Variants in CUX1 observed in about 807,000 individuals in gnomAD.
The protein encoded by CUX1 is protein CASP.
A neutral mutation model predicts 158.8 loss-of-function variants in CUX1; 31 were observed. That is an observed-to-expected ratio of 0.20 (90% CI 0.15 to 0.26). CUX1 has a LOEUF of 0.26. CUX1 is among the 10% of genes least tolerant of loss of function. CUX1 has a pLI of 1.00. For missense variants in CUX1, 1,589 were observed against 2,014.6 expected, an observed-to-expected ratio of 0.79 and a Z score of 4.04; for synonymous variants, 879 against 862.1, an observed-to-expected ratio of 1.02 and a Z score of -0.34.
At chr7:102,038,503 T>C (rs1399558120) in intron 3 of CUX1, among the ~76,000 whole-genome samples, 1 of 152,204 alleles carries the variant, frequency 6.6e-6, no homozygotes, top group African/African-American at 2.4e-5. Flanking sequence ...AAATAACTCA[T>C]CTGCAAGTTA....
intron 3 of CUX1, among the ~76,000 whole-genome samples, chr7:102,067,047 A>G (rs1254253571): frequency 1.3e-5 from 2 of 152,092 alleles, no homozygotes; most frequent in African/African-American, 4.8e-5. Context: ...TAGGATATTC[A>G]CAAAGTTGCA....
rs112021293 is a variant in CUX1, at chr7:101,862,762, G to GGT, written c.30+45109_30+45110dup. Reference sequence around the variant, plus strand: ...CCTTTCCTTCCCATCGTAAGTCCCCGGTGTGTGTGTGTGTGTGGAAAGTTT... The same window carrying GGT: ...CCTTTCCTTCCCATCGTAAGTCCCCGGTGTGTGTGTGTGTGTGTGGAAAGTTT... On this transcript the variant is annotated intron_variant, in intron 1 of 23. Transcript: ENST00000292535. Among the ~76,000 whole-genome samples the GGT allele has an allele frequency of 7.1e-3, 1,069 of 151,158 alleles. 15 individuals carry two copies. The highest frequency in any genetic ancestry group is 0.024 in the African/African-American group (978 of 41,222).
chr7:102,169,121 C>T (rs576802373), intron 9 of CUX1, among the ~76,000 whole-genome samples: 2 of 151,590 alleles, frequency 1.3e-5, no homozygotes, highest in African/African-American at 2.4e-5. Context: ...TTAGTAGAGA[C>T]GAGGTTTCTC....
chr7:102,154,845 CA>C (rs1349742039), intron 8 of CUX1, among the ~76,000 whole-genome samples: 1 of 152,134 alleles, frequency 6.6e-6, no homozygotes, highest in Non-Finnish European at 1.5e-5. Context: ...TATAGGGGCA[CA>C]CTGGAGCCAT....
At chr7:102,062,723 A>C (rs781397700) in intron 3 of CUX1, among the ~76,000 whole-genome samples, 18 of 151,870 alleles carry the variant, frequency 1.2e-4, no homozygotes, top group South Asian at 2.1e-4. Context: ...TTGATCTCGA[A>C]CTCCTGCACT....
At position 101,947,052 on chromosome 7, in the gene CUX1, T is replaced by C. The variant is rs1036328772; in HGVS notation, c.141+30827T>C. Reference sequence around the variant, plus strand: ...GAGTGGAAGTAGGTCCCAAGAACTTTTATTTTAAATGTTTTGATGACAGAT... The same window carrying C: ...GAGTGGAAGTAGGTCCCAAGAACTTCTATTTTAAATGTTTTGATGACAGAT... On this transcript the variant is annotated intron_variant, in intron 2 of 23. Coordinates refer to ENST00000292535, the MANE Select transcript of CUX1 (RefSeq NM_181552.4). Among the ~76,000 whole-genome samples the C allele has an allele frequency of 1.4e-4, 21 of 152,306 alleles. No individual in the cohort carries two copies. In the East Asian group the frequency reaches 2.5e-3, roughly 18 times the overall value.
chr7:101,857,964 A>C (rs1445059308), intron 1 of CUX1, among the ~76,000 whole-genome samples: 1 of 152,114 alleles, frequency 6.6e-6, no homozygotes, highest in African/African-American at 2.4e-5. Context: ...CTCTACTAAA[A>C]ATACAAAAAT....
intron 4 of CUX1, among the ~76,000 whole-genome samples, chr7:102,075,626 G>A (rs960022125): frequency 3.9e-5 from 6 of 151,956 alleles, no homozygotes; most frequent in African/African-American, 1.4e-4. Context: ...TGTTTTTTTG[G>A]TCTCAGGCTC....
rs1801613119 is a variant in CUX1 at position 102,252,401 on chromosome 7, C to T, written c.*3359C>T. 2.0e-6 allele frequency: 2 copies of T among 985,412 alleles called. No homozygotes were observed. The highest frequency in any genetic ancestry group is 1.2e-6 in the Non-Finnish European group (1 of 829,984). The allele number at this position is 985,412 out of a possible 1,614,324, so 61.0% of individuals were successfully genotyped here. ...GCAGGCAGCCGACCCCCTTCCTCTT[C>T]ACGCTCTATGAGTTTAAAAAGCTGA... On this transcript the variant is annotated 3_prime_UTR_variant, in exon 24 of 24. Coordinates refer to ENST00000292535, the MANE Select transcript of CUX1 (RefSeq NM_181552.4).
At chr7:102,075,200 C>T (rs71559447) in intron 4 of CUX1, among the ~76,000 whole-genome samples, 10 of 152,164 alleles carry the variant, frequency 6.6e-5, no homozygotes, top group Non-Finnish European at 1.2e-4. Flanking sequence ...CATCCAACCT[C>T]TAGGATGTCT....
At chr7:102,220,075 C>T (rs1400320457) in intron 20 of CUX1, among the ~76,000 whole-genome samples, 2 of 152,076 alleles carry the variant, frequency 1.3e-5, no homozygotes, top group African/African-American at 4.8e-5. Context: ...GGGCCGGGCA[C>T]AGGGCCGGGC....
At chr7:101,927,543 A>G (rs1384280138) in intron 2 of CUX1, among the ~76,000 whole-genome samples, 3 of 152,056 alleles carry the variant, frequency 2.0e-5, no homozygotes, top group Non-Finnish European at 2.9e-5. Context: ...CCTGTAATTC[A>G]GGAGGCTGAG....
At chr7:101,985,410 G>C (rs1814167773) in intron 2 of CUX1, among the ~76,000 whole-genome samples, 1 of 152,210 alleles carries the variant, frequency 6.6e-6, no homozygotes, top group Admixed American at 6.5e-5. Context: ...CTGGGGCCAA[G>C]AGGAGCGTTC....
At chr7:102,220,365 CA>C (rs1172208307) in intron 20 of CUX1, among the ~76,000 whole-genome samples, 8 of 152,176 alleles carry the variant, frequency 5.3e-5, no homozygotes, top group Middle Eastern at 3.4e-3. Context: ...CATCTGAAAA[CA>C]AAAAACAAAC....
chr7:102,255,961 A>G lies in CUX1; in HGVS notation c.*6919A>G. 1 of 985,412 alleles carries G rather than the reference A, an allele frequency of 1.0e-6. No homozygotes were observed. The highest frequency in any genetic ancestry group is 1.2e-6 in the Non-Finnish European group (1 of 829,938). The allele number at this position is 985,412 out of a possible 1,614,324, so 61.0% of individuals were successfully genotyped here. On this transcript the variant is annotated 3_prime_UTR_variant, in exon 24 of 24. Coordinates refer to ENST00000292535, the MANE Select transcript of CUX1 (RefSeq NM_181552.4). ...AAATAACGTATTGCACACCAAATGAACTCAAAGTAAGCTTTAGACCAGGAC... is the reference window on the plus strand; with the variant it reads ...AAATAACGTATTGCACACCAAATGAGCTCAAAGTAAGCTTTAGACCAGGAC...
At chr7:101,820,921 T>C (rs2130897942) in intron 1 of CUX1, among the ~76,000 whole-genome samples, 1 of 152,290 alleles carries the variant, frequency 6.6e-6, no homozygotes, top group Middle Eastern at 3.4e-3. Context: ...TTGTCGAAGC[T>C]ATTTGAAGAG....
At chr7:101,902,723 G>A (rs1802288923) in intron 1 of CUX1, among the ~76,000 whole-genome samples, 1 of 152,168 alleles carries the variant, frequency 6.6e-6, no homozygotes, top group African/African-American at 2.4e-5. Context: ...GGAGCAGTGG[G>A]GCAGTGCCAT....
chr7:101,893,872 G>C (rs1264661909), intron 1 of CUX1, among the ~76,000 whole-genome samples: 1 of 152,224 alleles, frequency 6.6e-6, no homozygotes, highest in African/African-American at 2.4e-5. Context: ...TCTGTCTAGG[G>C]AAAGGTGATT....
At chr7:102,137,380 A>G (rs1834024342) in intron 8 of CUX1, among the ~76,000 whole-genome samples, 2 of 152,304 alleles carry the variant, frequency 1.3e-5, no homozygotes, top group Non-Finnish European at 2.9e-5. Flanking sequence ...TCACACCTGT[A>G]ATCCCAGCGC....
Sources: allele counts gnomAD v4.1 joint callset (sites outside exome capture counted in the v4.1 genomes callset), GRCh38; gene constraint gnomAD v4.1.1; transcripts MANE v1.5; gene names NCBI Gene and HGNC (gene_info 2026-07-23, HGNC 2026-07-21).